ZNF423: variants seen among roughly 807,000 people sequenced by gnomAD.
The protein encoded by ZNF423 is Ebf-associated zinc finger protein.
ZNF423 carries 12 observed loss-of-function variants against 95.8 expected under a neutral mutation model. The ratio of observed to expected loss-of-function variants is 0.13; its 90% CI spans 0.08 to 0.20. The LOEUF (loss-of-function observed/expected upper bound fraction) is 0.20, where lower values mean the gene tolerates loss of function less well. Among genes scored for constraint, ZNF423 ranks in the 10% least tolerant of loss-of-function variants. The pLI, the probability that ZNF423 is intolerant of heterozygous loss-of-function variation, is 1.00. For synonymous variants in ZNF423, 749 were observed against 711.9 expected (o/e 1.05, Z -0.83); for missense variants, 1,316 against 1,737.1 (o/e 0.76, Z 4.31).
At chr16:49,521,096 G>T (rs1418012173) in intron 7 of ZNF423, among the ~76,000 whole-genome samples, 2 of 152,162 alleles carry the variant, frequency 1.3e-5, no homozygotes, top group African/African-American at 4.8e-5. Context: ...GCAAGATCCA[G>T]ATTGAAAGCA....
At chr16:49,652,784 G>T (rs1300255051) in intron 3 of ZNF423, among the ~76,000 whole-genome samples, 2 of 152,168 alleles carry the variant, frequency 1.3e-5, no homozygotes, top group Non-Finnish European at 2.9e-5. Flanking sequence ...AAACAGCTGC[G>T]CTCTAATTAC....
At chr16:49,809,695 G>A (rs67286823) in intron 1 of ZNF423, among the ~76,000 whole-genome samples, 10,012 of 152,260 alleles carry the variant, frequency 0.066, 382 homozygotes, top group South Asian at 0.12. Flanking sequence ...GGGGACCCCC[G>A]GGTGGGTTAG....
upstream of ZNF423, among the ~76,000 whole-genome samples, chr16:49,858,690 A>G (rs2035397683): frequency 1.5e-5 from 2 of 136,632 alleles, no homozygotes. The surrounding 1 kb of genome is among the most constrained non-coding windows in gnomAD (Gnocchi z 4.3). Context: ...AGTGTCCAAC[A>G]TCTCGGCCTT....
chr16:49,748,935 G>T (rs770779935), intron 2 of ZNF423, among the ~76,000 whole-genome samples: 3 of 152,188 alleles, frequency 2.0e-5, no homozygotes, highest in Non-Finnish European at 4.4e-5. Context: ...GCAGAAAGAG[G>T]TCAACAGAGA....
intron 3 of ZNF423, among the ~76,000 whole-genome samples, chr16:49,721,964 G>A (rs4785333): frequency 0.1 from 15,489 of 152,080 alleles, 1,158 homozygotes; most frequent in South Asian, 0.28. Context: ...AACAGCATTC[G>A]CTCTATGTAA....
chr16:49,710,552 A>ACTCCATCCCTGCATCCT (rs1438272221), intron 3 of ZNF423, among the ~76,000 whole-genome samples: 8 of 151,904 alleles, frequency 5.3e-5, no homozygotes, highest in Non-Finnish European at 1.0e-4. Flanking sequence ...AGTGAGGGAG[A>ACTCCATCCCTGCATCCT]CTCCATCCCT....
chr16:49,828,447 T>C (rs2035028611), intron 1 of ZNF423, among the ~76,000 whole-genome samples: 1 of 152,216 alleles, frequency 6.6e-6, no homozygotes, highest in Non-Finnish European at 1.5e-5. Context: ...TGAAGCATAG[T>C]TCGAGTTTGT....
At chr16:49,848,898 C>T (rs909732708) in intron 1 of ZNF423, among the ~76,000 whole-genome samples, 59 of 152,130 alleles carry the variant, frequency 3.9e-4, no homozygotes, top group African/African-American at 1.1e-3. Context: ...ACCCGCAGCT[C>T]GAAGGTCACT....
intron 5 of ZNF423, among the ~76,000 whole-genome samples, chr16:49,601,123 T>A (rs1447263070): frequency 6.6e-6 from 1 of 152,206 alleles, no homozygotes; most frequent in African/African-American, 2.4e-5. Flanking sequence ...GAAGGGCCCA[T>A]GTGCTGACGA....
intron 3 of ZNF423, among the ~76,000 whole-genome samples, chr16:49,724,395 A>G (rs8050343): frequency 0.16 from 24,978 of 152,196 alleles, 3,223 homozygotes; most frequent in African/African-American, 0.33. Flanking sequence ...TGTGAAGTCA[A>G]CTGACACCAA....
intron 1 of ZNF423, among the ~76,000 whole-genome samples, chr16:49,853,507 A>AG (rs1491257442): frequency 6.6e-6 from 1 of 152,206 alleles, no homozygotes; most frequent in African/African-American, 2.4e-5. Context: ...GGGAAGAATC[A>AG]GGGGGTCTCT....
chr16:49,602,710 C>G (rs962100442), intron 5 of ZNF423, among the ~76,000 whole-genome samples: 2 of 152,064 alleles, frequency 1.3e-5, no homozygotes, highest in African/African-American at 2.4e-5. Flanking sequence ...TTGCTCCTGC[C>G]GATTCAAAAC....
At chr16:49,646,810 G>A (rs959434564) in intron 3 of ZNF423, among the ~76,000 whole-genome samples, 3 of 152,050 alleles carry the variant, frequency 2.0e-5, no homozygotes, top group East Asian at 3.9e-4. Context: ...CTGACCTTGC[G>A]ATCCACCTGC....
At chr16:49,499,225 G>C (rs1333300830) in intron 7 of ZNF423, among the ~76,000 whole-genome samples, 1 of 152,248 alleles carries the variant, frequency 6.6e-6, no homozygotes, top group Non-Finnish European at 1.5e-5. Flanking sequence ...CTATGGCAGA[G>C]GGAGCAGCAG....
At chr16:49,784,523 G>A (rs961866328) in intron 2 of ZNF423, among the ~76,000 whole-genome samples, 1 of 152,198 alleles carries the variant, frequency 6.6e-6, no homozygotes, top group Admixed American at 6.5e-5. Flanking sequence ...AAGGGGTGAA[G>A]GACAGACACC....
In ZNF423 at chr16:49,854,130, T is replaced by A. The variant is rs543840643; in HGVS notation, c.40+1605A>T. ...CTTGGAGTCTCTCTTCTGGTTTCCC[T>A]GTCCCCCAATCAGAACACCCTCTGA... is the stretch of plus-strand genomic sequence containing the variant. On this transcript the variant is annotated intron_variant, in intron 1 of 7. Transcript: ENST00000563137. The A allele has an allele frequency of 1.3e-5, 13 of 985,268 alleles. No individual in the cohort carries two copies. In the African/African-American group the frequency reaches 2.3e-4, roughly 17 times the overall value. The allele number at this position is 985,268 out of a possible 1,614,324, so 61.0% of individuals were successfully genotyped here.
chr16:49,639,749 G>A (rs1376041001), intron 3 of ZNF423, among the ~76,000 whole-genome samples: 1 of 152,192 alleles, frequency 6.6e-6, no homozygotes, highest in African/African-American at 2.4e-5. Context: ...GCAAGGAAGA[G>A]ACAATCCTTG....
chr16:49,537,319 G>A (rs1403069647), intron 5 of ZNF423, among the ~76,000 whole-genome samples: 4 of 152,152 alleles, frequency 2.6e-5, no homozygotes, highest in Non-Finnish European at 4.4e-5. Flanking sequence ...CTTTTAAGCC[G>A]GCTGAGCCCT....
intron 1 of ZNF423, among the ~76,000 whole-genome samples, chr16:49,831,594 C>T (rs2035061472): frequency 6.6e-6 from 1 of 152,194 alleles, no homozygotes; most frequent in South Asian, 2.1e-4. Context: ...CCAAGGCAGT[C>T]CATGATGAAG....
Sources: allele counts gnomAD v4.1 joint callset (sites outside exome capture counted in the v4.1 genomes callset), GRCh38; gene constraint gnomAD v4.1.1; non-coding constraint Gnocchi (gnomAD v3.1); transcripts MANE v1.5; gene names NCBI Gene and HGNC (gene_info 2026-07-23, HGNC 2026-07-21).